RUNX2: variants seen among roughly 807,000 people sequenced by gnomAD.
RUNX2 encodes the protein runt-related transcription factor 2.
In RUNX2, 10 loss-of-function variants were observed where a neutral mutation model predicts 51.7. The observed-to-expected ratio is 0.19, with a 90% CI of 0.12 to 0.33. The LOEUF is 0.33. RUNX2 is among the 10% of genes least tolerant of loss of function. RUNX2 has a pLI of 1.00. For missense variants in RUNX2, 562 were observed against 691.3 expected (o/e 0.81, Z 2.10); for synonymous variants, 276 against 273.6 (o/e 1.01, Z -0.09).
At chr6:45,545,964 T>G (rs1375682125) in intron 8 of RUNX2, among the ~76,000 whole-genome samples, 1 of 152,212 alleles carries the variant, frequency 6.6e-6, no homozygotes, top group Non-Finnish European at 1.5e-5. Flanking sequence ...CTGCTTCAAG[T>G]TGACCTGAAG....
intron 2 of RUNX2, among the ~76,000 whole-genome samples, chr6:45,378,943 T>C (rs1797143686): frequency 6.6e-6 from 1 of 152,238 alleles, no homozygotes; most frequent in Non-Finnish European, 1.5e-5. Flanking sequence ...TACTATAAAA[T>C]ACTGTATTTT....
chr6:45,531,643 C>T (rs1002834254), intron 7 of RUNX2, among the ~76,000 whole-genome samples: 2 of 152,002 alleles, frequency 1.3e-5, no homozygotes, highest in African/African-American at 4.8e-5. Context: ...GTCCCAGCTA[C>T]TTGGGAGGCT....
chr6:45,362,751 C>T (rs879686663), intron 2 of RUNX2, among the ~76,000 whole-genome samples: 1 of 152,086 alleles, frequency 6.6e-6, no homozygotes, highest in Non-Finnish European at 1.5e-5. Context: ...ATAACTTTTG[C>T]ATTCCGAATT....
At chr6:45,465,789 C>G (rs1431626735) in intron 5 of RUNX2, among the ~76,000 whole-genome samples, 21 of 151,398 alleles carry the variant, frequency 1.4e-4, no homozygotes. Context: ...GCACATACCA[C>G]CACGCCTGGC....
intron 2 of RUNX2, among the ~76,000 whole-genome samples, chr6:45,410,077 A>G (rs962946241): frequency 7.9e-5 from 12 of 152,224 alleles, no homozygotes; most frequent in Non-Finnish European, 1.8e-4. Context: ...TTTAAACTCT[A>G]TACTCATAGT....
intron 7 of RUNX2, among the ~76,000 whole-genome samples, chr6:45,534,383 A>T (rs1010560591): frequency 6.6e-6 from 1 of 152,038 alleles, no homozygotes; most frequent in East Asian, 1.9e-4. Context: ...TATCCTGACT[A>T]CCTCTCAGGC....
chr6:45,387,726 GGGA>G (rs1797381506), intron 2 of RUNX2, among the ~76,000 whole-genome samples: 1 of 152,190 alleles, frequency 6.6e-6, no homozygotes, highest in African/African-American at 2.4e-5. Flanking sequence ...CACAGTCAAT[GGGA>G]GGAGGAGAGG....
At chr6:45,367,436 C>G (rs553032027) in intron 2 of RUNX2, among the ~76,000 whole-genome samples, 127 of 151,464 alleles carry the variant, frequency 8.4e-4, no homozygotes, top group Admixed American at 3.5e-3. Flanking sequence ...GGAAAAGAAA[C>G]ATAACCATTT....
At chr6:45,373,870 T>A (rs991866966) in intron 2 of RUNX2, among the ~76,000 whole-genome samples, 1 of 152,208 alleles carries the variant, frequency 6.6e-6, no homozygotes, top group African/African-American at 2.4e-5. Flanking sequence ...TACAATATTA[T>A]TTGTAAAAGA....
intron 5 of RUNX2, among the ~76,000 whole-genome samples, chr6:45,486,957 T>C (rs115587374): frequency 0.02 from 3,061 of 152,286 alleles, 37 homozygotes; most frequent in Admixed American, 0.031. Context: ...CTAACTTTCA[T>C]TGTGGGTAGG....
intron 6 of RUNX2, among the ~76,000 whole-genome samples, chr6:45,511,211 G>C (rs1386260703): frequency 6.6e-6 from 1 of 152,116 alleles, no homozygotes; most frequent in Non-Finnish European, 1.5e-5. Flanking sequence ...TAAGCAGAAG[G>C]TCTTTTAATA....
At chr6:45,445,836 A>G (rs2150376960) in intron 5 of RUNX2, among the ~76,000 whole-genome samples, 1 of 143,046 alleles carries the variant, frequency 7.0e-6, no homozygotes, top group African/African-American at 2.6e-5. Context: ...GGGCGGGGGG[A>G]TGGGTCAGAA....
At chr6:45,355,801 G>A (rs1793050138) in intron 2 of RUNX2, among the ~76,000 whole-genome samples, 1 of 152,166 alleles carries the variant, frequency 6.6e-6, no homozygotes, top group South Asian at 2.1e-4. Context: ...GAAATGGGTT[G>A]TATTCCAAGT....
At chr6:45,468,690 A>G (rs1563099982) in intron 5 of RUNX2, among the ~76,000 whole-genome samples, 1 of 152,214 alleles carries the variant, frequency 6.6e-6, no homozygotes, top group African/African-American at 2.4e-5. Context: ...AATTATAACC[A>G]GATTTTTTTT....
At chr6:45,410,665 T>C (rs1797930601) in intron 2 of RUNX2, among the ~76,000 whole-genome samples, 1 of 152,134 alleles carries the variant, frequency 6.6e-6, no homozygotes, top group Non-Finnish European at 1.5e-5. Flanking sequence ...AGATTTTCTG[T>C]GGATAGGACA....
intron 5 of RUNX2, among the ~76,000 whole-genome samples, chr6:45,447,852 T>G (rs2150378138): frequency 6.6e-6 from 1 of 152,328 alleles, no homozygotes; most frequent in South Asian, 2.1e-4. Context: ...CTCAGAGAGT[T>G]TTTATTCCTG....
chr6:45,505,459 A>C (rs7768227), intron 6 of RUNX2, among the ~76,000 whole-genome samples: 1 of 149,336 alleles, frequency 6.7e-6, no homozygotes, highest in Non-Finnish European at 1.5e-5. Flanking sequence ...CTTTTTAGTC[A>C]TTTGAAAGTA....
intron 2 of RUNX2, among the ~76,000 whole-genome samples, chr6:45,371,257 A>T (rs1480633292): frequency 6.6e-6 from 1 of 152,212 alleles, no homozygotes; most frequent in Non-Finnish European, 1.5e-5. Context: ...TTAAACATAA[A>T]CAATTTACAA....
intron 2 of RUNX2, among the ~76,000 whole-genome samples, chr6:45,412,749 A>C (rs1797977827): frequency 6.8e-6 from 1 of 148,142 alleles, no homozygotes; most frequent in South Asian, 2.1e-4. Flanking sequence ...ATTGTTATTT[A>C]TTTACTTATT....
Sources: gnomAD v4.1 joint callset for allele counts (sites outside exome capture counted in the v4.1 genomes callset) on GRCh38, gnomAD v4.1.1 for gene constraint, MANE v1.5 for transcripts, NCBI Gene and HGNC (gene_info 2026-07-23, HGNC 2026-07-21) for gene names.